RCAN3: variants seen among roughly 807,000 people sequenced by gnomAD.
The protein encoded by RCAN3 is calcipressin-3.
RCAN3 carries 19 observed loss-of-function variants against 21.9 expected under a neutral mutation model. That is an observed-to-expected ratio of 0.87 (90% CI 0.61 to 1.27). The LOEUF (loss-of-function observed/expected upper bound fraction) is 1.27. RCAN3 is among the 50% of genes most tolerant of loss of function. RCAN3 has a pLI of 0.00. For synonymous variants in RCAN3, 114 were observed against 112.3 expected (o/e 1.01, Z -0.09); for missense variants, 240 against 300.1 (o/e 0.80, Z 1.48).
chr1:24,530,944 A>G (rs1007510158), intron 2 of RCAN3, among the ~76,000 whole-genome samples: 8 of 152,176 alleles, frequency 5.3e-5, no homozygotes, highest in Non-Finnish European at 1.0e-4. Flanking sequence ...CAAGAGGTGG[A>G]GGTTGCAGTG....
rs1648131741 is a variant in RCAN3 at position 24,514,459 on chromosome 1, T to C, written c.87T>C (p.Phe29=). The part of the protein sequence containing the change: ...TDQEEEEEMI[F]GENEDDLDEM... Reference sequence around the variant, plus strand: ...AAGAAGAGGAAGAAGAGATGATTTTTGGTGAAAATGAAGATGATTTGGATG... The same window carrying C: ...AAGAAGAGGAAGAAGAGATGATTTTCGGTGAAAATGAAGATGATTTGGATG... Residue 29 remains phenylalanine, a synonymous_variant, in exon 2 of 5, where the codon TTT becomes TTC. Coordinates refer to ENST00000374395, the MANE Select transcript of RCAN3 (RefSeq NM_013441.4). The C allele has an allele frequency of 1.9e-6, 3 of 1,614,166 alleles. No homozygotes were observed. The African/African-American group carries it at 4.0e-5, about 22-fold the overall frequency.
rs1350624110 is a variant in RCAN3 at position 24,540,372 on chromosome 1, A to G, written c.*5095A>G. The G allele has an allele frequency of 2.0e-5, 3 of 152,312 alleles. No individual in the cohort carries two copies. The highest frequency in any genetic ancestry group is 4.4e-5 in the Non-Finnish European group (3 of 68,052). The allele number at this position is 152,312 out of a possible 1,614,324, so 9.4% of individuals were successfully genotyped here. On this transcript the variant is annotated 3_prime_UTR_variant, in exon 5 of 5. Coordinates refer to ENST00000374395, the MANE Select transcript of RCAN3 (RefSeq NM_013441.4). Reference sequence around the variant, plus strand: ...AAACCTATATATTTCCTTTTGAAACAGAATCATATCCTGCAGACTCTTGGC... The same window carrying G: ...AAACCTATATATTTCCTTTTGAAACGGAATCATATCCTGCAGACTCTTGGC...
At chr1:24,532,948 CAAAA>C (rs756973308) in intron 3 of RCAN3, 131 bp from the exon 4 acceptor site, 695 of 92,760 alleles carry the variant, frequency 7.5e-3, no homozygotes, top group Middle Eastern at 0.021. Context: ...GACTCCGTCT[CAAAA>C]AAAAAAAAAA....
Position 24,536,617 on chromosome 1 carries a change from A to C in RCAN3, c.*1340A>C, listed in dbSNP as rs914547502. ...CTGTGCTGTTTCCTTTGAGTGGCAC[A>C]CTTGGGAAGCTCCGGGGCATGTGAA... On this transcript the variant is annotated 3_prime_UTR_variant, in exon 5 of 5. Coordinates refer to ENST00000374395, the MANE Select transcript of RCAN3 (RefSeq NM_013441.4). 3.9e-5 allele frequency: 6 copies of C among 152,172 alleles called. No individual in the cohort carries two copies. Among genetic ancestry groups the C allele is most frequent in the Non-Finnish European group, 7.3e-5 (5 of 68,052 alleles). 9.4% of individuals were successfully genotyped at this position (152,172 alleles called of 1,614,324 possible). A position where few individuals can be genotyped will look rare whatever the true frequency, so the allele number is the denominator to read the frequency against.
Position 24,539,960 on chromosome 1 carries a change from G to C in RCAN3, c.*4683G>C, listed in dbSNP as rs1173968151. ...CAATAGTTGCTTCCTAGCTGGAGCT[G>C]TAAGTCCATGTTACAGAAACTCACT... On this transcript the variant is annotated 3_prime_UTR_variant, in exon 5 of 5. Transcript: ENST00000374395. 3.3e-5 allele frequency: 5 copies of C among 152,242 alleles called. No homozygotes were observed. The highest frequency in any genetic ancestry group is 1.2e-4 in the African/African-American group (5 of 41,470). 9.4% of individuals were successfully genotyped at this position (152,242 alleles called of 1,614,324 possible).
At chr1:24,532,948 CAAAAAA>C (rs756973308) in intron 3 of RCAN3, 129 bp from the exon 4 acceptor site, 234 of 93,106 alleles carry the variant, frequency 2.5e-3, no homozygotes, top group African/African-American at 0.02. Context: ...GACTCCGTCT[CAAAAAA>C]AAAAAAAAAA....
intron 1 of RCAN3, among the ~76,000 whole-genome samples, chr1:24,505,225 C>CTTTTTTTTTTTTTTTTTTTTTTTTTTT (rs1351108344): frequency 2.7e-5 from 3 of 109,564 alleles, no homozygotes; most frequent in Non-Finnish European, 3.6e-5. Context: ...TTTTTTTTCT[C>CTTTTTTTTTTTTTTTTTTTTTTTTTTT]TTTTTTCTTT....
In RCAN3 at chr1:24,540,729, CTGTTA is replaced by C. The variant is rs1270069173; in HGVS notation, c.*5454_*5458del. 6.6e-6 allele frequency: 1 copy of C among 152,142 alleles called. No homozygotes were observed. Among genetic ancestry groups the C allele is most frequent in the African/African-American group, 2.4e-5 (1 of 41,428 alleles). The allele number at this position is 152,142 out of a possible 1,614,324, so 9.4% of individuals were successfully genotyped here. ...TTTCTCCGAACGTGTTTGTGATCTT[CTGTTA>C]TATTTTGGGGCATGTTACCTTTATG... On this transcript the variant is annotated 3_prime_UTR_variant, in exon 5 of 5. Coordinates refer to ENST00000374395, the MANE Select transcript of RCAN3 (RefSeq NM_013441.4).
chr1:24,539,663 T>C lies in RCAN3; in HGVS notation c.*4386T>C, dbSNP rs1650405437. 2.0e-5 allele frequency: 3 copies of C among 152,354 alleles called. No individual in the cohort carries two copies. The highest frequency in any genetic ancestry group is 3.4e-3 in the Middle Eastern group (1 of 294). The allele number at this position is 152,354 out of a possible 1,614,324, so 9.4% of individuals were successfully genotyped here. On this transcript the variant is annotated 3_prime_UTR_variant, in exon 5 of 5. Coordinates refer to ENST00000374395, the MANE Select transcript of RCAN3 (RefSeq NM_013441.4). ...CAAGGCTTCATATTTTTATACAGACTATTTCACAGACCATAGATTTATTTT... is the reference window on the plus strand; with the variant it reads ...CAAGGCTTCATATTTTTATACAGACCATTTCACAGACCATAGATTTATTTT...
At chr1:24,504,187 C>T (rs1448960772) in intron 1 of RCAN3, among the ~76,000 whole-genome samples, 1 of 152,180 alleles carries the variant, frequency 6.6e-6, no homozygotes, top group Non-Finnish European at 1.5e-5. Flanking sequence ...TTTCTCTTCT[C>T]TTCTCTTTTC....
intron 2 of RCAN3, among the ~76,000 whole-genome samples, chr1:24,529,292 C>T (rs2148909310): frequency 6.6e-6 from 1 of 151,572 alleles, no homozygotes; most frequent in East Asian, 2.0e-4. Flanking sequence ...GTGGCTCATG[C>T]CTGTAATCCC....
chr1:24,503,057 G>C lies in RCAN3; in HGVS notation c.-153G>C, dbSNP rs1647207543. On this transcript the variant is annotated 5_prime_UTR_variant, in exon 1 of 5. Transcript: ENST00000374395. ...CCGTCCGGCTCCCCGCAGCCCCGTC[G>C]GGCAGCCCGGGCCCGTCCGCTGCCC... 1 of 149,364 alleles carries C rather than the reference G, an allele frequency of 6.7e-6. No homozygotes were observed. The highest frequency in any genetic ancestry group is 1.5e-5 in the Non-Finnish European group (1 of 67,028). The allele number at this position is 149,364 out of a possible 1,614,324, so 9.3% of individuals were successfully genotyped here.
intron 2 of RCAN3, among the ~76,000 whole-genome samples, chr1:24,528,435 C>T (rs57460665): frequency 0.14 from 21,863 of 152,042 alleles, 1,682 homozygotes; most frequent in African/African-American, 0.17. Flanking sequence ...ATGCATTATA[C>T]ACACATGTAT....
chr1:24,516,756 G>A (rs931360396), intron 2 of RCAN3, among the ~76,000 whole-genome samples: 4 of 152,202 alleles, frequency 2.6e-5, no homozygotes, highest in Non-Finnish European at 5.9e-5. Context: ...GAAGAGGGCA[G>A]AGCAGGGAGC....
chr1:24,522,194 T>G (rs57211887), intron 2 of RCAN3, among the ~76,000 whole-genome samples: 22,476 of 152,050 alleles, frequency 0.15, 1,767 homozygotes, highest in African/African-American at 0.18. Flanking sequence ...TACACACACA[T>G]GTGTGTGCGG....
intron 2 of RCAN3, among the ~76,000 whole-genome samples, chr1:24,521,226 A>G (rs1648778559): frequency 6.6e-6 from 1 of 152,214 alleles, no homozygotes; most frequent in Non-Finnish European, 1.5e-5. Context: ...TCTCTTTTCA[A>G]CAAAAGGTGC....
intron 2 of RCAN3, among the ~76,000 whole-genome samples, chr1:24,527,378 A>T (rs372081790): frequency 6.6e-6 from 1 of 152,218 alleles, no homozygotes; most frequent in East Asian, 1.9e-4. Context: ...CCCCTGCTGG[A>T]AGCAGCTTGC....
At chr1:24,517,684 T>C (rs1292993906) in intron 2 of RCAN3, among the ~76,000 whole-genome samples, 1 of 152,114 alleles carries the variant, frequency 6.6e-6, no homozygotes, top group Non-Finnish European at 1.5e-5. Flanking sequence ...AGATCATCAG[T>C]TGGATATAAA....
chr1:24,507,857 C>G (rs1356997511), intron 1 of RCAN3: 1 of 152,270 alleles, frequency 6.6e-6, no homozygotes, highest in Admixed American at 6.5e-5. Flanking sequence ...GGGGGATCAC[C>G]TGACGTCAGG....
Sources: gnomAD v4.1 joint callset for allele counts (sites outside exome capture counted in the v4.1 genomes callset) on GRCh38, gnomAD v4.1.1 for gene constraint, MANE v1.5 for transcripts, NCBI Gene and HGNC (gene_info 2026-07-23, HGNC 2026-07-21) for gene names.